The following CYSTM1 variants were observed in gnomAD, a reference collection of about 807,000 sequenced individuals.
CYSTM1 encodes the protein cysteine rich transmembrane module containing 1, also known as cysteine-rich transmembrane module-containing protein 1.
A neutral mutation model predicts 13.1 loss-of-function variants in CYSTM1; 4 were observed. The observed-to-expected ratio is 0.31, with a 90% CI of 0.15 to 0.70. The LOEUF is 0.70. CYSTM1 is among the 30% of genes least tolerant of loss of function. The pLI, the probability that CYSTM1 is intolerant of heterozygous loss-of-function variation, is 0.72. For missense variants in CYSTM1, 96 were observed against 121.6 expected, an observed-to-expected ratio of 0.79 and a Z score of 0.99; for synonymous variants, 36 against 42.7, an observed-to-expected ratio of 0.84 and a Z score of 0.62.
intron 2 of CYSTM1, among the ~76,000 whole-genome samples, chr5:140,228,481 G>T (rs188080053): frequency 6.6e-6 from 1 of 152,230 alleles, no homozygotes. Context: ...GGGTTTCCTG[G>T]TCAGCTTGGA....
chr5:140,218,434 G>A (rs553691647), intron 2 of CYSTM1, among the ~76,000 whole-genome samples: 2 of 152,144 alleles, frequency 1.3e-5, no homozygotes, highest in South Asian at 4.1e-4. Context: ...CAGAATACCC[G>A]CTGTATACTA....
chr5:140,229,478 A>G (rs1052752910), intron 2 of CYSTM1, among the ~76,000 whole-genome samples: 2 of 152,154 alleles, frequency 1.3e-5, no homozygotes, highest in Admixed American at 6.5e-5. Context: ...GGTGTGAGCC[A>G]CCATACTTGG....
Position 140,212,983 on chromosome 5 carries a change from G to GTGTATATA in CYSTM1, c.187+18332_187+18333insGTATATAT, listed in dbSNP as rs1405430820. On this transcript the variant is annotated intron_variant, in intron 2 of 2. Coordinates refer to ENST00000261811, the MANE Select transcript of CYSTM1 (RefSeq NM_032412.4). Reference sequence around the variant, plus strand: ...ACTCTGTCTCAAAAACAAAACAAAAGTATATATATATATATATATATATAT... The same window carrying GTGTATATA: ...ACTCTGTCTCAAAAACAAAACAAAAGTGTATATATATATATATATATATATATATATAT... Among the ~76,000 whole-genome samples, 45 of 114,302 alleles carry GTGTATATA rather than the reference G, an allele frequency of 3.9e-4. 1 individual carries two copies. The highest frequency in any genetic ancestry group is 4.7e-3 in the Middle Eastern group (1 of 214). The allele number at this position is 114,302 out of a possible 152,430, so 75.0% of individuals were successfully genotyped here.
intron 2 of CYSTM1, among the ~76,000 whole-genome samples, chr5:140,205,570 T>C (rs1428424679): frequency 1.3e-5 from 2 of 152,190 alleles, no homozygotes; most frequent in African/African-American, 4.8e-5. Context: ...AGAGCCACAT[T>C]GGCTTAGAAT....
intron 2 of CYSTM1, among the ~76,000 whole-genome samples, chr5:140,240,038 G>A (rs1764728971): frequency 1.3e-5 from 2 of 152,040 alleles, no homozygotes; most frequent in Non-Finnish European, 2.9e-5. Context: ...CCCTAGACTG[G>A]CCACAGGGGG....
At chr5:140,213,043 A>ATT (rs796704010) in intron 2 of CYSTM1, among the ~76,000 whole-genome samples, 1 of 130,582 alleles carries the variant, frequency 7.7e-6, no homozygotes, top group South Asian at 2.7e-4. Context: ...GAGAACTCCT[A>ATT]TTTTTTTTTT....
chr5:140,204,046 T>C (rs1014477977), intron 2 of CYSTM1, among the ~76,000 whole-genome samples: 2 of 152,078 alleles, frequency 1.3e-5, no homozygotes, highest in African/African-American at 4.8e-5. Context: ...TTAGTGACTT[T>C]CCAGGGTCAG....
chr5:140,179,365 C>T (rs993460999), intron 1 of CYSTM1, among the ~76,000 whole-genome samples: 1 of 151,874 alleles, frequency 6.6e-6, no homozygotes, highest in Non-Finnish European at 1.5e-5. Context: ...TCGAGACCAG[C>T]CTGGCCAACA....
chr5:140,188,933 C>T (rs1764057555), intron 1 of CYSTM1, among the ~76,000 whole-genome samples: 1 of 152,182 alleles, frequency 6.6e-6, no homozygotes, highest in Non-Finnish European at 1.5e-5. Context: ...TAATGTACAA[C>T]TCAATACATT....
chr5:140,185,890 C>T (rs779908851), intron 1 of CYSTM1, among the ~76,000 whole-genome samples: 12 of 152,086 alleles, frequency 7.9e-5, no homozygotes, highest in Non-Finnish European at 1.5e-4. Context: ...ATGACTCTTC[C>T]GATTGGGGAG....
Position 140,194,538 on chromosome 5 carries a change from C to A in CYSTM1, c.73C>A (p.Pro25Thr). Residue 25 changes from proline to threonine, a missense_variant, in exon 2 of 3, where the codon CCA (proline) becomes ACA (threonine). Physicochemically the swap from Pro to Thr is conservative, Grantham distance 38. Coordinates refer to ENST00000261811, the MANE Select transcript of CYSTM1 (RefSeq NM_032412.4). ...TAPYPPYPPQPMGPGPMGGPY... is the reference protein window; with the variant it reads ...TAPYPPYPPQTMGPGPMGGPY... ...CCCATACCCACCTTATCCACCACAA[C>A]CAATGGGTCCAGGACCTATGGGGGG... 1 of 1,613,752 alleles carries A rather than the reference C, an allele frequency of 6.2e-7. No homozygotes were observed. The highest frequency in any genetic ancestry group is 8.5e-7 in the Non-Finnish European group (1 of 1,179,864).
intron 2 of CYSTM1, among the ~76,000 whole-genome samples, chr5:140,216,530 T>G (rs1396776517): frequency 1.3e-5 from 2 of 152,194 alleles, no homozygotes; most frequent in Non-Finnish European, 2.9e-5. Flanking sequence ...TTGAGTAACC[T>G]GCCCTGGTTT....
chr5:140,204,695 C>T (rs1764276456), intron 2 of CYSTM1, among the ~76,000 whole-genome samples: 1 of 152,140 alleles, frequency 6.6e-6, no homozygotes, highest in Non-Finnish European at 1.5e-5. Context: ...GTGTGCCCTG[C>T]CTCCCCTTGT....
chr5:140,218,283 T>C (rs1764454959), intron 2 of CYSTM1, among the ~76,000 whole-genome samples: 1 of 152,174 alleles, frequency 6.6e-6, no homozygotes, highest in African/African-American at 2.4e-5. Context: ...CTCCAGTTCA[T>C]TGTGTAAAAT....
At chr5:140,191,764 TATG>T (rs1357434783) in intron 1 of CYSTM1, among the ~76,000 whole-genome samples, 2 of 152,188 alleles carry the variant, frequency 1.3e-5, no homozygotes, top group African/African-American at 4.8e-5. Context: ...CAGAAATAGT[TATG>T]ATAACTGTAT....
At chr5:140,183,852 A>G (rs919562974) in intron 1 of CYSTM1, among the ~76,000 whole-genome samples, 5 of 152,220 alleles carry the variant, frequency 3.3e-5, no homozygotes, top group Non-Finnish European at 7.4e-5. Flanking sequence ...AACCCACAGG[A>G]CTATTTGCAG....
chr5:140,199,514 G>A (rs1209375784), intron 2 of CYSTM1, among the ~76,000 whole-genome samples: 3 of 152,080 alleles, frequency 2.0e-5, no homozygotes, highest in Non-Finnish European at 4.4e-5. Flanking sequence ...TTTTTGAGAT[G>A]GAGTCTCACA....
intron 1 of CYSTM1, among the ~76,000 whole-genome samples, chr5:140,180,195 T>A (rs1002211414): frequency 6.6e-6 from 1 of 152,128 alleles, no homozygotes; most frequent in African/African-American, 2.4e-5. Context: ...AGTGAAATAG[T>A]CATCTTTTAA....
At chr5:140,217,976 GA>G (rs2126666277) in intron 2 of CYSTM1, among the ~76,000 whole-genome samples, 1 of 152,234 alleles carries the variant, frequency 6.6e-6, no homozygotes, top group East Asian at 1.9e-4. Flanking sequence ...AGGTCAAAAG[GA>G]ATTGCTAAAT....
Sources: allele counts gnomAD v4.1 joint callset (sites outside exome capture counted in the v4.1 genomes callset), GRCh38; gene constraint gnomAD v4.1.1; transcripts MANE v1.5; gene names NCBI Gene and HGNC (gene_info 2026-07-23, HGNC 2026-07-21).